Variants in PEX5L observed in about 807,000 individuals in gnomAD.
PEX5L encodes the protein PEX5-related protein.
A neutral mutation model predicts 84.0 loss-of-function variants in PEX5L; 30 were observed. The ratio of observed to expected loss-of-function variants is 0.36; its 90% CI spans 0.27 to 0.48. PEX5L has a LOEUF of 0.48. Among genes scored for constraint, PEX5L ranks in the 20% least tolerant of loss-of-function variants. The pLI is 0.99. For missense variants in PEX5L, 533 were observed against 754.6 expected, an observed-to-expected ratio of 0.71 and a Z score of 3.44; for synonymous variants, 270 against 283.1, an observed-to-expected ratio of 0.95 and a Z score of 0.46.
chr3:179,956,351 A>G (rs1402364276), intron 2 of PEX5L, among the ~76,000 whole-genome samples: 6 of 152,190 alleles, frequency 3.9e-5, no homozygotes, highest in Admixed American at 2.0e-4. Context: ...ATGCTTATAA[A>G]ATAATACATT....
chr3:179,916,078 A>G (rs1041473006), intron 2 of PEX5L, among the ~76,000 whole-genome samples: 1 of 152,172 alleles, frequency 6.6e-6, no homozygotes, highest in Admixed American at 6.5e-5. Flanking sequence ...AGTAATAATA[A>G]TCACTTATTG....
intron 8 of PEX5L, among the ~76,000 whole-genome samples, chr3:179,822,485 A>T (rs894514194): frequency 2.6e-5 from 4 of 152,180 alleles, no homozygotes; most frequent in Admixed American, 6.5e-5. Context: ...CTGCTGACTA[A>T]TTAAAGTGCA....
chr3:179,986,697 C>T (rs577199530), intron 1 of PEX5L, among the ~76,000 whole-genome samples: 200 of 152,206 alleles, frequency 1.3e-3, no homozygotes, highest in Non-Finnish European at 1.7e-3. Context: ...CCACCGCGCC[C>T]GGCCAACATT....
At chr3:179,999,822 C>G (rs998447090) in intron 1 of PEX5L, among the ~76,000 whole-genome samples, 10 of 152,176 alleles carry the variant, frequency 6.6e-5, no homozygotes, top group Non-Finnish European at 2.9e-5. Context: ...CTGGTCTTAT[C>G]ATGTTCCCCA....
At chr3:180,027,059 G>C (rs1017405995) in intron 1 of PEX5L, among the ~76,000 whole-genome samples, 3 of 152,168 alleles carry the variant, frequency 2.0e-5, no homozygotes, top group Admixed American at 1.3e-4. Context: ...CCATGGTAGA[G>C]AGTCCATCCT....
chr3:179,959,169 GAACC>G (rs66529767), intron 2 of PEX5L, among the ~76,000 whole-genome samples: 111,369 of 151,634 alleles, frequency 0.73, 41,155 homozygotes, highest in East Asian at 0.96. Context: ...TGTGGTCCAT[GAACC>G]AACCACTCTT....
At chr3:179,945,860 C>T (rs888050763) in intron 2 of PEX5L, among the ~76,000 whole-genome samples, 7 of 152,114 alleles carry the variant, frequency 4.6e-5, no homozygotes, top group African/African-American at 9.7e-5. Context: ...TTCTCCCACT[C>T]GAGGTCACGC....
rs368029000 is a variant in PEX5L, at chr3:179,808,316, T to C, written c.1474A>G (p.Arg492Gly). 1.3e-4 allele frequency: 204 copies of C among 1,604,430 alleles called. 1 individual carries two copies. The South Asian group carries it at 1.6e-3, about 13-fold the overall frequency. The change falls in exon 13 of 15, where the codon AGA becomes GGA. Residue 492 changes from arginine to glycine, a missense_variant. Physicochemically the swap from Arg to Gly is moderately radical, Grantham distance 125. This residue lies in a region of PEX5L where 105 missense variants were observed against 204.6 expected (regional missense o/e 0.51). Transcript: ENST00000467460. ...GCAGCGTTAAATGCATCTATTGCTC[T>C]ATTAAATTCTCCACTCAGGTGGAAC... ...VLFHLSGEFN[R>G]AIDAFNAALT...
intron 2 of PEX5L, 125 bp downstream of exon 2, chr3:179,971,469 C>T: frequency 7.8e-7 from 1 of 1,283,350 alleles, no homozygotes; most frequent in Non-Finnish European, 9.9e-7. Flanking sequence ...CTCTCAAAAT[C>T]TTGTTATGCA....
chr3:179,962,325 A>G (rs1255335711), intron 2 of PEX5L, among the ~76,000 whole-genome samples: 1 of 152,234 alleles, frequency 6.6e-6, no homozygotes, highest in East Asian at 1.9e-4. Flanking sequence ...ACTCAAGACT[A>G]GAGGCTGCAG....
chr3:179,820,137 C>G, intron 8 of PEX5L, 161 bp from the exon 9 acceptor site: 2 of 905,244 alleles, frequency 2.2e-6, no homozygotes, highest in Non-Finnish European at 1.7e-6. Context: ...GGAGGGTACT[C>G]ACTGGTCAGA....
chr3:179,850,786 A>T (rs916385259), intron 8 of PEX5L, among the ~76,000 whole-genome samples: 1 of 152,210 alleles, frequency 6.6e-6, no homozygotes, highest in Non-Finnish European at 1.5e-5. Flanking sequence ...CTAAGTTAGA[A>T]TGGTTTAAGG....
intron 1 of PEX5L, among the ~76,000 whole-genome samples, chr3:179,979,927 T>G (rs1786163671): frequency 3.3e-5 from 5 of 152,170 alleles, no homozygotes; most frequent in Admixed American, 2.6e-4. Context: ...CCAGCACACC[T>G]GGCATCCCGC....
At chr3:180,035,841 A>T (rs1046763698) in intron 1 of PEX5L, among the ~76,000 whole-genome samples, 2 of 152,224 alleles carry the variant, frequency 1.3e-5, no homozygotes, top group African/African-American at 2.4e-5. Flanking sequence ...CAAAGCATAT[A>T]TCTGCCTTTA....
intron 1 of PEX5L, among the ~76,000 whole-genome samples, chr3:180,011,059 A>T (rs930575735): frequency 6.6e-6 from 1 of 152,196 alleles, no homozygotes; most frequent in African/African-American, 2.4e-5. Flanking sequence ...CGGCCCAGAT[A>T]GCGAAAGTCT....
intron 8 of PEX5L, among the ~76,000 whole-genome samples, chr3:179,842,815 A>G (rs1216322098): frequency 1.3e-5 from 2 of 152,206 alleles, no homozygotes; most frequent in South Asian, 2.1e-4. Flanking sequence ...CAGAAATTGG[A>G]AAACATACTC....
intron 4 of PEX5L, among the ~76,000 whole-genome samples, chr3:179,884,848 T>A (rs995571236): frequency 6.6e-6 from 1 of 152,148 alleles, no homozygotes; most frequent in Admixed American, 6.5e-5. Context: ...GATAATCTAA[T>A]AGAACTGGGT....
At chr3:179,916,728 G>T (rs2109318077) in intron 2 of PEX5L, among the ~76,000 whole-genome samples, 1 of 152,266 alleles carries the variant, frequency 6.6e-6, no homozygotes, top group South Asian at 2.1e-4. Context: ...GGAGTGCAGT[G>T]ACATGATCTC....
intron 7 of PEX5L, among the ~76,000 whole-genome samples, chr3:179,866,167 G>C (rs981726845): frequency 6.6e-6 from 1 of 152,136 alleles, no homozygotes; most frequent in African/African-American, 2.4e-5. Flanking sequence ...ATTTTTAAAA[G>C]GAATGTTGTA....
Sources: gnomAD v4.1 joint callset for allele counts (sites outside exome capture counted in the v4.1 genomes callset) on GRCh38, gnomAD v4.1.1 for gene constraint, gnomAD v4.1.1 regional missense constraint, MANE v1.5 for transcripts, NCBI Gene and HGNC (gene_info 2026-07-23, HGNC 2026-07-21) for gene names.